IGF2BP3: variants seen among roughly 807,000 people sequenced by gnomAD.
IGF2BP3 encodes insulin like growth factor 2 mRNA binding protein 3.
Under a neutral mutation model 73.8 loss-of-function variants are expected in IGF2BP3, and 9 were observed. That is an observed-to-expected ratio of 0.12 (90% CI 0.07 to 0.21). IGF2BP3 has a LOEUF of 0.21. IGF2BP3 is among the 10% of genes least tolerant of loss of function. IGF2BP3 has a pLI of 1.00. For synonymous variants in IGF2BP3, 258 were observed against 256.7 expected, an observed-to-expected ratio of 1.01 and a Z score of -0.05; for missense variants, 542 against 714.0, an observed-to-expected ratio of 0.76 and a Z score of 2.75.
At chr7:23,336,596 C>G (rs1211911945) in intron 10 of IGF2BP3, among the ~76,000 whole-genome samples, 1 of 152,068 alleles carries the variant, frequency 6.6e-6, no homozygotes, top group Non-Finnish European at 1.5e-5. Context: ...ACCTCCACCT[C>G]CTCGGCTCAT....
At chr7:23,435,021 C>T (rs541379369) in intron 2 of IGF2BP3, among the ~76,000 whole-genome samples, 1 of 152,072 alleles carries the variant, frequency 6.6e-6, no homozygotes, top group Non-Finnish European at 1.5e-5. Context: ...ATGGGCCAGG[C>T]GTGGTGGCTC....
chr7:23,444,085 T>C (rs75279160), intron 2 of IGF2BP3, among the ~76,000 whole-genome samples: 54 of 152,336 alleles, frequency 3.5e-4, no homozygotes, highest in African/African-American at 1.3e-3. Flanking sequence ...GTTAATACAA[T>C]GTGTTGTGCA....
rs1305252849 is a variant in IGF2BP3 at position 23,379,632 on chromosome 7, T to G, written c.286-17891A>C. Reference sequence around the variant, plus strand: ...TTAGGAAATCAATTCTATAAAACAGTAAATTGCCCTCACAGAAGCTCTATT... The same window carrying G: ...TTAGGAAATCAATTCTATAAAACAGGAAATTGCCCTCACAGAAGCTCTATT... On this transcript the variant is annotated intron_variant, in intron 3 of 14. Transcript: ENST00000258729. 2.0e-5 allele frequency among the ~76,000 whole-genome samples: 3 copies of G among 152,146 alleles called. No individual in the cohort carries two copies. The East Asian group carries it at 5.8e-4, about 29-fold the overall frequency.
chr7:23,424,530 A>C (rs1278493065), intron 2 of IGF2BP3, among the ~76,000 whole-genome samples: 3 of 152,064 alleles, frequency 2.0e-5, no homozygotes, highest in Admixed American at 2.0e-4. Flanking sequence ...AAAACTGCCC[A>C]CTCTGCTAGA....
chr7:23,387,160 G>GT (rs1185655024), intron 3 of IGF2BP3, among the ~76,000 whole-genome samples: 5 of 152,124 alleles, frequency 3.3e-5, no homozygotes, highest in Non-Finnish European at 7.4e-5. Flanking sequence ...CATATTGCTT[G>GT]TATGTGCCCT....
intron 10 of IGF2BP3, among the ~76,000 whole-genome samples, chr7:23,327,181 T>C (rs1583888464): frequency 1.3e-5 from 2 of 152,272 alleles, no homozygotes. Context: ...TAGATTCCTA[T>C]TGCATAATAC....
intron 5 of IGF2BP3, among the ~76,000 whole-genome samples, chr7:23,357,217 A>T (rs928739591): frequency 2.0e-5 from 3 of 152,084 alleles, no homozygotes; most frequent in Admixed American, 2.0e-4. Flanking sequence ...AAACATAACC[A>T]TATTTACCTT....
At chr7:23,317,994 C>T (rs1784037724) in intron 11 of IGF2BP3, among the ~76,000 whole-genome samples, 1 of 152,130 alleles carries the variant, frequency 6.6e-6, no homozygotes, top group Non-Finnish European at 1.5e-5. Context: ...ACCTCCACTT[C>T]ACAAATGCGG....
intron 2 of IGF2BP3, among the ~76,000 whole-genome samples, chr7:23,456,816 G>A (rs981417067): frequency 6.6e-6 from 1 of 151,888 alleles, no homozygotes; most frequent in Admixed American, 6.5e-5. Context: ...TTGGGAGGCC[G>A]CGGCGAGGGG....
chr7:23,331,426 G>A (rs1192505576), intron 10 of IGF2BP3, among the ~76,000 whole-genome samples: 3 of 152,182 alleles, frequency 2.0e-5, no homozygotes, highest in African/African-American at 7.2e-5. Context: ...ACTGTCAGGT[G>A]AAGATAAAGG....
intron 10 of IGF2BP3, 68 bp downstream of exon 10, chr7:23,341,996 C>T (rs542141927): frequency 2.1e-6 from 3 of 1,444,158 alleles, no homozygotes; most frequent in East Asian, 2.5e-5. Flanking sequence ...AACAGATGAT[C>T]ACGCGGGGAC....
intron 10 of IGF2BP3, among the ~76,000 whole-genome samples, chr7:23,340,575 T>C (rs1784683004): frequency 6.6e-6 from 1 of 152,168 alleles, no homozygotes; most frequent in Non-Finnish European, 1.5e-5. Context: ...GTGTAAGAGG[T>C]ATCACTCAAA....
At chr7:23,421,578 G>T (rs1175766365) in intron 2 of IGF2BP3, among the ~76,000 whole-genome samples, 1 of 150,528 alleles carries the variant, frequency 6.6e-6, no homozygotes, top group Non-Finnish European at 1.5e-5. Context: ...TGTAATCCCG[G>T]CTACTCGGGA....
At chr7:23,464,690 A>C (rs1446504294) in intron 2 of IGF2BP3, among the ~76,000 whole-genome samples, 1 of 151,098 alleles carries the variant, frequency 6.6e-6, no homozygotes, top group Non-Finnish European at 1.5e-5. Flanking sequence ...TCTTAAAAAA[A>C]AATAAATAAA....
chr7:23,343,878 G>A (rs1342637067), intron 8 of IGF2BP3, 25 bp from the exon 9 acceptor site: 1 of 1,599,502 alleles, frequency 6.3e-7, no homozygotes, highest in South Asian at 1.1e-5. Context: ...AGAAGGGAAA[G>A]AAAAAGAATG....
intron 7 of IGF2BP3, 47 bp from the exon 8 acceptor site, chr7:23,346,109 C>T (rs887239331): frequency 1.7e-5 from 26 of 1,574,044 alleles, no homozygotes; most frequent in East Asian, 4.5e-5. Context: ...TAAACCTATT[C>T]GTGGGTAAAA....
intron 2 of IGF2BP3, among the ~76,000 whole-genome samples, chr7:23,467,100 C>T (rs1780824726): frequency 6.6e-6 from 1 of 152,148 alleles, no homozygotes; most frequent in Non-Finnish European, 1.5e-5. Flanking sequence ...AATCATGTGA[C>T]CCCTACCAAA....
At chr7:23,392,155 T>C (rs1270733773) in intron 3 of IGF2BP3, among the ~76,000 whole-genome samples, 2 of 152,158 alleles carry the variant, frequency 1.3e-5, no homozygotes, top group Non-Finnish European at 2.9e-5. Context: ...TCTGCATTCA[T>C]GAATGTTGTA....
chr7:23,335,361 C>T (rs1372346805), intron 10 of IGF2BP3, among the ~76,000 whole-genome samples: 1 of 151,854 alleles, frequency 6.6e-6, no homozygotes, highest in Non-Finnish European at 1.5e-5. Context: ...CGGATCACTG[C>T]AGCCTTGACC....
Sources: allele counts gnomAD v4.1 joint callset (sites outside exome capture counted in the v4.1 genomes callset), GRCh38; gene constraint gnomAD v4.1.1; transcripts MANE v1.5; gene names NCBI Gene and HGNC (gene_info 2026-07-23, HGNC 2026-07-21).